SEC63: variants seen among roughly 807,000 people sequenced by gnomAD.
The protein encoded by SEC63 is translocation protein SEC63 homolog.
Under a neutral mutation model 116.2 loss-of-function variants are expected in SEC63, and 56 were observed. The observed-to-expected ratio is 0.48, with a 90% CI of 0.39 to 0.60. SEC63 has a LOEUF of 0.60. Ranked by LOEUF, SEC63 falls within the 20% of genes least tolerant of loss-of-function variation. The probability of loss-of-function intolerance (pLI) is 0.00; values close to 1 mark genes in which losing one functional copy is unlikely to be tolerated. For synonymous variants in SEC63, 273 were observed against 294.6 expected (o/e 0.93, Z 0.75); for missense variants, 668 against 900.0 (o/e 0.74, Z 3.30).
intron 1 of SEC63, among the ~76,000 whole-genome samples, chr6:107,949,715 G>C (rs572314532): frequency 2.0e-5 from 3 of 152,094 alleles, no homozygotes; most frequent in Non-Finnish European, 4.4e-5. Flanking sequence ...CTGCAGCCTC[G>C]ATCTCCTGGG....
chr6:107,920,897 TA>T (rs1787540986), intron 4 of SEC63, among the ~76,000 whole-genome samples: 1 of 152,232 alleles, frequency 6.6e-6, no homozygotes, highest in Non-Finnish European at 1.5e-5. Context: ...CATATGTGAA[TA>T]TATGTATCTC....
intron 6 of SEC63, among the ~76,000 whole-genome samples, chr6:107,912,386 C>A (rs944210940): frequency 6.6e-6 from 1 of 152,148 alleles, no homozygotes; most frequent in Non-Finnish European, 1.5e-5. Context: ...AGTTCGAGAC[C>A]AGCCTGGCCA....
chr6:107,921,929 AAAAACAAGCTTTCTGTTAGC>A lies in SEC63; in HGVS notation c.340-40_340-21del. 1.6e-6 allele frequency: 2 copies of A among 1,270,200 alleles called. No individual in the cohort carries two copies. Among genetic ancestry groups the A allele is most frequent in the Non-Finnish European group, 2.3e-6 (2 of 879,536 alleles). 78.7% of individuals were successfully genotyped at this position (1,270,200 alleles called of 1,614,324 possible). The stretch of plus-strand genomic sequence containing the variant: ...GGCTCCCTGGGGAAAAACAAAAAAA[AAAAACAAGCTTTCTGTTAGC>A]AAAAATAAGCACAATTCTGTAAAGA... On this transcript the variant is annotated intron_variant, in intron 3 of 20. Coordinates refer to ENST00000369002, the MANE Select transcript of SEC63 (RefSeq NM_007214.5).
chr6:107,879,199 T>C (rs1377696509), intron 18 of SEC63, among the ~76,000 whole-genome samples: 1 of 152,248 alleles, frequency 6.6e-6, no homozygotes, highest in Admixed American at 6.5e-5. Flanking sequence ...AGTCTCACTC[T>C]GTCACCAAGG....
intron 14 of SEC63, among the ~76,000 whole-genome samples, chr6:107,897,368 C>T (rs994692371): frequency 6.6e-6 from 1 of 152,164 alleles, no homozygotes. Flanking sequence ...GTAACAACTT[C>T]TGTATAGCAC....
chr6:107,941,098 A>C (rs1770365089), intron 1 of SEC63, among the ~76,000 whole-genome samples: 1 of 152,166 alleles, frequency 6.6e-6, no homozygotes, highest in South Asian at 2.1e-4. Context: ...TCCCACCAGA[A>C]CTTTAAACAC....
At chr6:107,931,445 A>AACT (rs1787803934) in intron 1 of SEC63, among the ~76,000 whole-genome samples, 4 of 151,490 alleles carry the variant, frequency 2.6e-5, no homozygotes, top group Non-Finnish European at 5.9e-5. Context: ...TGTTTTACTA[A>AACT]ATTCACCCCA....
At position 107,935,788 on chromosome 6, in the gene SEC63, A is replaced by T. The variant is rs570995026; in HGVS notation, c.125-6274T>A. Among the ~76,000 whole-genome samples, 638 of 149,382 alleles carry T rather than the reference A, an allele frequency of 4.3e-3. 4 individuals are homozygous for T. The highest frequency in any genetic ancestry group is 0.015 in the African/African-American group (597 of 40,830). Reference sequence around the variant, plus strand: ...GAGAAACACCCAAGAATGATCAATTAAAAAAAATAAAATAAAATAAAATAA... The same window carrying T: ...GAGAAACACCCAAGAATGATCAATTTAAAAAAATAAAATAAAATAAAATAA... On this transcript the variant is annotated intron_variant, in intron 1 of 20. Coordinates refer to ENST00000369002, the MANE Select transcript of SEC63 (RefSeq NM_007214.5).
chr6:107,894,072 T>C (rs561835297), intron 14 of SEC63, among the ~76,000 whole-genome samples, 175 bp from the exon 15 acceptor site: 2 of 152,370 alleles, frequency 1.3e-5, no homozygotes, highest in East Asian at 3.9e-4. Context: ...TGCAGGTAGA[T>C]ACCTTCTAAA....
At chr6:107,879,722 ATCTTTT>A (rs1418770288) in intron 18 of SEC63, among the ~76,000 whole-genome samples, 1 of 96,924 alleles carries the variant, frequency 1.0e-5, no homozygotes, top group Admixed American at 1.6e-4. Flanking sequence ...AATGATTTTT[ATCTTTT>A]TTTTTTTTTT....
intron 2 of SEC63, among the ~76,000 whole-genome samples, chr6:107,927,835 T>C (rs1787710190): frequency 6.6e-6 from 1 of 152,194 alleles, no homozygotes; most frequent in Admixed American, 6.5e-5. Flanking sequence ...TTAGATCATC[T>C]CTAAATTACT....
At chr6:107,934,958 C>A (rs1360336069) in intron 1 of SEC63, among the ~76,000 whole-genome samples, 5 of 94,548 alleles carry the variant, frequency 5.3e-5, no homozygotes, top group African/African-American at 4.4e-5. Flanking sequence ...GGTCAGCCCC[C>A]TGCCCGGCCA....
chr6:107,935,924 G>T (rs1389849468), intron 1 of SEC63, among the ~76,000 whole-genome samples: 3 of 152,182 alleles, frequency 2.0e-5, no homozygotes, highest in African/African-American at 7.2e-5. Flanking sequence ...CGATGAGATG[G>T]CGGTAATGTT....
rs1282980077 is a variant in SEC63 at position 107,876,590 on chromosome 6, C to T, written c.2008G>A (p.Val670Met). Reference protein sequence around the residue: ...EQTLISMPYHVCTLKDTEEVE... With the variant: ...EQTLISMPYHMCTLKDTEEVE... The stretch of plus-strand genomic sequence containing the variant: ...TCCTCTGTATCTTTCAGCGTACACA[C>T]ATGATATGGCATGGATATTAATGTC... Residue 670 changes from valine to methionine, a missense_variant, in exon 19 of 21, where the codon GTG becomes ATG. Val to Met is a conservative substitution (Grantham distance 21). Around this residue, in one of 5 missense-constraint regions of SEC63, gnomAD observed 85 missense variants for 116.3 expected, o/e 0.73. Transcript: ENST00000369002. 1.9e-6 allele frequency: 3 copies of T among 1,591,674 alleles called. No individual in the cohort carries two copies. Among genetic ancestry groups the T allele is most frequent in the Non-Finnish European group, 2.6e-6 (3 of 1,169,980 alleles).
chr6:107,884,048 G>T (rs910128762), intron 16 of SEC63, among the ~76,000 whole-genome samples: 1 of 151,946 alleles, frequency 6.6e-6, no homozygotes, highest in African/African-American at 2.4e-5. Context: ...TCAGGAGTTT[G>T]AGACCAGCCT....
intron 4 of SEC63, among the ~76,000 whole-genome samples, chr6:107,917,190 A>G (rs1031503077): frequency 1.3e-5 from 2 of 152,206 alleles, no homozygotes; most frequent in African/African-American, 4.8e-5. Flanking sequence ...AGCCCAACCT[A>G]TTCCTTTAAT....
rs1786165697 is a variant in SEC63 at position 107,872,820 on chromosome 6, A to C, written c.2127T>G (p.Ile709Met). The change falls in exon 20 of 21, where the codon ATT becomes ATG. Residue 709 changes from isoleucine to methionine, a missense_variant. Ile to Met is a conservative substitution (Grantham distance 10, BLOSUM62 1). This residue lies in a region of SEC63 where 85 missense variants were observed against 116.3 expected (regional missense o/e 0.73). Coordinates refer to ENST00000369002, the MANE Select transcript of SEC63 (RefSeq NM_007214.5). ...TCACTATTCTTACCTTCAATGGTTTAATCTGATCCAAACCCATATAGGAGT... is the reference window on the plus strand; with the variant it reads ...TCACTATTCTTACCTTCAATGGTTTCATCTGATCCAAACCCATATAGGAGT... The part of the protein sequence containing the change: ...RSDSYMGLDQ[I>M]KPLKLEVHEA... 1 of 1,538,524 alleles carries C rather than the reference A, an allele frequency of 6.5e-7. No homozygotes were observed. The highest frequency in any genetic ancestry group is 1.8e-5 in the Admixed American group (1 of 54,458).
At chr6:107,935,131 CCCCCGCCCAGCCAGCTG>C (rs1349419465) in intron 1 of SEC63, among the ~76,000 whole-genome samples, 2 of 146,760 alleles carry the variant, frequency 1.4e-5, no homozygotes, top group East Asian at 2.1e-4. Flanking sequence ...GGGGGTCAGC[CCCCCGCCCAGCCAGCTG>C]CCCCGTCCGG....
At chr6:107,930,872 G>A (rs752602054) in intron 1 of SEC63, among the ~76,000 whole-genome samples, 27 of 152,094 alleles carry the variant, frequency 1.8e-4, no homozygotes, top group South Asian at 6.2e-4. Context: ...GTGCACACCT[G>A]TAGTCCCAGC....
Sources: allele counts gnomAD v4.1 joint callset (sites outside exome capture counted in the v4.1 genomes callset), GRCh38; gene constraint gnomAD v4.1.1; regional missense constraint gnomAD v4.1.1; transcripts MANE v1.5; gene names NCBI Gene and HGNC (gene_info 2026-07-23, HGNC 2026-07-21).